The following FOXP1 variants were observed in gnomAD, a reference collection of about 807,000 sequenced individuals.
The protein encoded by FOXP1 is forkhead box protein P1.
In FOXP1, 15 loss-of-function variants were observed where a neutral mutation model predicts 98.2. The ratio of observed to expected loss-of-function variants is 0.15; its 90% CI spans 0.10 to 0.24. The LOEUF is 0.24. Ranked by LOEUF, FOXP1 falls within the 10% of genes least tolerant of loss-of-function variation. The pLI is 1.00. For synonymous variants in FOXP1, 371 were observed against 314.5 expected (o/e 1.18, Z -1.90); for missense variants, 633 against 848.5 (o/e 0.75, Z 3.15).
chr3:71,406,814 TGACAATAACGTGAAA>T (rs2082378857), intron 3 of FOXP1, among the ~76,000 whole-genome samples: 1 of 152,158 alleles, frequency 6.6e-6, no homozygotes, highest in South Asian at 2.1e-4. Flanking sequence ...TGACACATTC[TGACAATAACGTGAAA>T]GTGGGTCTCA....
At chr3:71,498,647 G>A (rs985834714) in intron 2 of FOXP1, among the ~76,000 whole-genome samples, 6 of 152,162 alleles carry the variant, frequency 3.9e-5, no homozygotes, top group African/African-American at 1.4e-4. Flanking sequence ...CAGACAACAT[G>A]CTCATCACGG....
At chr3:71,152,242 T>G (rs911033652) in intron 6 of FOXP1, among the ~76,000 whole-genome samples, 4 of 152,126 alleles carry the variant, frequency 2.6e-5, no homozygotes, top group African/African-American at 9.7e-5. Context: ...GTGCTCTCCC[T>G]GCATGAATTG....
chr3:71,458,124 C>T (rs1459484304), intron 3 of FOXP1, among the ~76,000 whole-genome samples: 3 of 152,226 alleles, frequency 2.0e-5, no homozygotes, highest in Non-Finnish European at 4.4e-5. Context: ...TATTACAATG[C>T]TATCTCATTG....
At chr3:71,230,124 T>C (rs1400583255) in intron 5 of FOXP1, among the ~76,000 whole-genome samples, 3 of 32,228 alleles carry the variant, frequency 9.3e-5, no homozygotes, top group Non-Finnish European at 1.3e-4. Flanking sequence ...TGGGGAGGGG[T>C]GGGTGGGGGA....
chr3:71,031,148 C>CT (rs1299363963), intron 11 of FOXP1, among the ~76,000 whole-genome samples: 1 of 152,186 alleles, frequency 6.6e-6, no homozygotes, highest in African/African-American at 2.4e-5. Context: ...CATAGTACAT[C>CT]TTCAAACACT....
intron 3 of FOXP1, among the ~76,000 whole-genome samples, chr3:71,410,979 G>C (rs1367530582): frequency 1.3e-5 from 2 of 152,132 alleles, no homozygotes; most frequent in Non-Finnish European, 2.9e-5. Context: ...AAACAGGCAA[G>C]CTGTTTACTC....
chr3:71,565,723 T>C (rs1369284506), intron 2 of FOXP1, among the ~76,000 whole-genome samples: 1 of 152,186 alleles, frequency 6.6e-6, no homozygotes, highest in African/African-American at 2.4e-5. Flanking sequence ...AAATAAAAGG[T>C]TGAAGCAGAT....
chr3:71,178,831 C>T (rs2062104737), intron 6 of FOXP1, among the ~76,000 whole-genome samples: 1 of 151,516 alleles, frequency 6.6e-6, no homozygotes, highest in African/African-American at 2.4e-5. Flanking sequence ...TTGCAGTGAG[C>T]CAAGATCGCA....
At chr3:71,476,996 CTTG>C (rs1289133048) in intron 3 of FOXP1, among the ~76,000 whole-genome samples, 1 of 152,190 alleles carries the variant, frequency 6.6e-6, no homozygotes, top group Non-Finnish European at 1.5e-5. Context: ...CCCTCTTGCT[CTTG>C]TTAAGAGACA....
chr3:71,425,104 T>TGTTTC (rs55923140), intron 3 of FOXP1, among the ~76,000 whole-genome samples: 3 of 151,410 alleles, frequency 2.0e-5, no homozygotes, highest in African/African-American at 7.3e-5. Flanking sequence ...TGTTTTTTTT[T>TGTTTC]GTTTCGTTTT....
intron 5 of FOXP1, among the ~76,000 whole-genome samples, chr3:71,220,234 A>G (rs1160875417): frequency 6.6e-6 from 1 of 152,238 alleles, no homozygotes. Context: ...CGAGTGAATG[A>G]ATGAATGAAT....
chr3:71,578,477 C>G (rs757427107), intron 2 of FOXP1, among the ~76,000 whole-genome samples: 1 of 152,278 alleles, frequency 6.6e-6, no homozygotes, highest in East Asian at 1.9e-4. Flanking sequence ...TACTGTAACA[C>G]CTAACCTTGT....
intron 4 of FOXP1, among the ~76,000 whole-genome samples, chr3:71,348,532 T>TGTGTGTGC (rs1560348782): frequency 7.2e-6 from 1 of 139,170 alleles, no homozygotes; most frequent in Non-Finnish European, 1.6e-5. Context: ...CGTGTGTGTG[T>TGTGTGTGC]GTGTGTGTGT....
intron 3 of FOXP1, among the ~76,000 whole-genome samples, chr3:71,457,111 A>G (rs1476793727): frequency 6.6e-6 from 1 of 151,966 alleles, no homozygotes; most frequent in African/African-American, 2.4e-5. Flanking sequence ...AATCCTCACT[A>G]TGAAACTTAA....
chr3:71,084,461 T>A (rs1288038021), intron 7 of FOXP1, among the ~76,000 whole-genome samples: 1 of 152,148 alleles, frequency 6.6e-6, no homozygotes, highest in African/African-American at 2.4e-5. Context: ...TTGTTCTTGA[T>A]CCACTCTGCC....
rs11438381 is a variant in FOXP1, at chr3:71,291,712, ATTT to A, written c.-12+8105_-12+8107del. ...TTACTGTATTGTATGCTTATTCTGTATTTTTTTTTTTTTTTTTTTGAGATGGAG... is the reference window on the plus strand; with the variant it reads ...TTACTGTATTGTATGCTTATTCTGTATTTTTTTTTTTTTTTTGAGATGGAG... On this transcript the variant is annotated intron_variant, in intron 5 of 20. Coordinates refer to ENST00000649528, the MANE Select transcript of FOXP1 (RefSeq NM_001349338.3). Among the ~76,000 whole-genome samples the A allele has an allele frequency of 5.8e-3, 726 of 125,150 alleles. 3 individuals are homozygous for A. The highest frequency in any genetic ancestry group is 0.019 in the African/African-American group (633 of 33,228). The allele number at this position is 125,150 out of a possible 152,430, so 82.1% of individuals were successfully genotyped here.
At chr3:71,338,242 A>C (rs1424812629) in intron 4 of FOXP1, among the ~76,000 whole-genome samples, 4 of 152,242 alleles carry the variant, frequency 2.6e-5, no homozygotes, top group African/African-American at 9.6e-5. Context: ...AGGTCAAAAC[A>C]AAGAATCTCA....
chr3:71,448,729 G>A (rs1254702873), intron 3 of FOXP1, among the ~76,000 whole-genome samples: 10 of 152,072 alleles, frequency 6.6e-5, no homozygotes, highest in Admixed American at 1.3e-4. Flanking sequence ...AATTCCTGTC[G>A]GCTGCTTTAC....
At chr3:71,537,345 G>A (rs1306331134) in intron 2 of FOXP1, among the ~76,000 whole-genome samples, 1 of 152,220 alleles carries the variant, frequency 6.6e-6, no homozygotes, top group Non-Finnish European at 1.5e-5. Flanking sequence ...GCGAGGCAAG[G>A]TGGTGGATTT....
Sources: gnomAD v4.1 joint callset for allele counts (sites outside exome capture counted in the v4.1 genomes callset) on GRCh38, gnomAD v4.1.1 for gene constraint, MANE v1.5 for transcripts, NCBI Gene and HGNC (gene_info 2026-07-23, HGNC 2026-07-21) for gene names.